The following COMMD10 variants were observed in gnomAD, a reference collection of about 807,000 sequenced individuals.
The protein encoded by COMMD10 is COMM domain-containing protein 10.
In COMMD10, 33 loss-of-function variants were observed where a neutral mutation model predicts 28.9. The observed-to-expected ratio is 1.14, with a 90% CI of 0.87 to 1.53. The LOEUF is 1.53. COMMD10 is among the 40% of genes most tolerant of loss of function. COMMD10 has a pLI of 0.00. For synonymous variants in COMMD10, 110 were observed against 81.7 expected (o/e 1.35, Z -1.87); for missense variants, 310 against 233.4 (o/e 1.33, Z -2.14).
intron 4 of COMMD10, among the ~76,000 whole-genome samples, chr5:116,119,886 C>T (rs1034389214): frequency 6.6e-6 from 1 of 152,068 alleles, no homozygotes; most frequent in Non-Finnish European, 1.5e-5. Flanking sequence ...TCCCAAAGTG[C>T]TAGGATTACG....
At chr5:116,259,273 G>C (rs1300901048) in intron 5 of COMMD10, among the ~76,000 whole-genome samples, 1 of 151,174 alleles carries the variant, frequency 6.6e-6, no homozygotes, top group Non-Finnish European at 1.5e-5. Flanking sequence ...ATGTTGGCCA[G>C]GCTGGTCTTA....
At chr5:116,105,343 T>C (rs941047569) in intron 4 of COMMD10, among the ~76,000 whole-genome samples, 1 of 152,234 alleles carries the variant, frequency 6.6e-6, no homozygotes, top group African/African-American at 2.4e-5. Flanking sequence ...TTTGATGTGC[T>C]GCTGGATTTG....
chr5:116,250,670 G>A (rs972278177), intron 5 of COMMD10, among the ~76,000 whole-genome samples: 1 of 151,854 alleles, frequency 6.6e-6, no homozygotes, highest in Non-Finnish European at 1.5e-5. Flanking sequence ...ATGGGAATGA[G>A]CTAACTGATG....
intron 5 of COMMD10, among the ~76,000 whole-genome samples, chr5:116,193,776 A>G (rs927601421): frequency 3.3e-5 from 5 of 152,204 alleles, no homozygotes; most frequent in African/African-American, 7.2e-5. Context: ...GACAAAGTCA[A>G]CAAAGAAACA....
intron 5 of COMMD10, among the ~76,000 whole-genome samples, chr5:116,281,723 C>T (rs866210158): frequency 2.6e-5 from 4 of 151,814 alleles, no homozygotes; most frequent in Non-Finnish European, 5.9e-5. Context: ...GTTGTATTGC[C>T]TGTATACTCG....
chr5:116,188,475 A>C (rs2112607530), intron 5 of COMMD10: 1 of 152,232 alleles, frequency 6.6e-6, no homozygotes, highest in East Asian at 1.9e-4. Context: ...AACACTTCAC[A>C]AATTTGTGCA....
At chr5:116,140,089 T>A (rs937908303) in intron 5 of COMMD10, among the ~76,000 whole-genome samples, 2 of 151,748 alleles carry the variant, frequency 1.3e-5, no homozygotes, top group African/African-American at 2.4e-5. Flanking sequence ...TAGGCATTTT[T>A]AAAAAATTCC....
At chr5:116,265,721 T>C (rs1750566889) in intron 5 of COMMD10, among the ~76,000 whole-genome samples, 1 of 149,194 alleles carries the variant, frequency 6.7e-6, no homozygotes, top group Non-Finnish European at 1.5e-5. Context: ...AAGTAGGTGC[T>C]GTTGTTATGC....
chr5:116,089,775 A>G (rs927236796), intron 2 of COMMD10, among the ~76,000 whole-genome samples: 21 of 152,188 alleles, frequency 1.4e-4, no homozygotes, highest in Non-Finnish European at 3.1e-4. Context: ...ATAAAGAAAC[A>G]TATGTATGTG....
chr5:116,114,125 G>A (rs1200141827), intron 4 of COMMD10, among the ~76,000 whole-genome samples: 1 of 152,026 alleles, frequency 6.6e-6, no homozygotes, highest in East Asian at 1.9e-4. Context: ...ATTATGCTAG[G>A]GACTGGAATG....
intron 5 of COMMD10, among the ~76,000 whole-genome samples, chr5:116,168,624 AAC>A (rs1462691387): frequency 7.2e-5 from 11 of 152,298 alleles, no homozygotes; most frequent in African/African-American, 2.4e-4. Flanking sequence ...TGGAAATCAT[AAC>A]AGACTCTCAG....
At chr5:116,219,229 C>T (rs1189241692) in intron 5 of COMMD10, among the ~76,000 whole-genome samples, 1 of 89,322 alleles carries the variant, frequency 1.1e-5, no homozygotes, top group Admixed American at 1.3e-4. Flanking sequence ...GTTGTTTAAG[C>T]CACCCAGTCT....
intron 5 of COMMD10, among the ~76,000 whole-genome samples, chr5:116,149,814 C>T (rs952169813): frequency 1.4e-5 from 2 of 145,366 alleles, no homozygotes; most frequent in African/African-American, 5.0e-5. Flanking sequence ...GTTGCCTGTT[C>T]ACTCTGATGG....
At chr5:116,147,647 A>G (rs1456504606) in intron 5 of COMMD10, among the ~76,000 whole-genome samples, 1 of 151,866 alleles carries the variant, frequency 6.6e-6, no homozygotes, top group Non-Finnish European at 1.5e-5. Context: ...ATGACATGTA[A>G]TGGGTGAAGA....
chr5:116,217,229 T>G (rs1749129059), intron 5 of COMMD10, among the ~76,000 whole-genome samples: 1 of 151,904 alleles, frequency 6.6e-6, no homozygotes, highest in Admixed American at 6.6e-5. Context: ...GTATCCAGCT[T>G]TATTAAAGAT....
chr5:116,119,816 A>G (rs1751365298), intron 4 of COMMD10, among the ~76,000 whole-genome samples: 1 of 151,960 alleles, frequency 6.6e-6, no homozygotes, highest in Non-Finnish European at 1.5e-5. Flanking sequence ...GTGTCTTGCC[A>G]TTTTGCCCAG....
Position 116,265,364 on chromosome 5 carries a change from A to G in COMMD10, c.511-26153A>G, listed in dbSNP as rs187677999. Among the ~76,000 whole-genome samples, 6 of 151,890 alleles carry G rather than the reference A, an allele frequency of 4.0e-5. 1 individual carries two copies. Among genetic ancestry groups the G allele is most frequent in the African/African-American group, 1.5e-4 (6 of 41,246 alleles). On this transcript the variant is annotated intron_variant, in intron 5 of 6. Coordinates refer to ENST00000274458, the MANE Select transcript of COMMD10 (RefSeq NM_016144.4). ...TCTCAGACAACCTATAGGTATGAGA[A>G]TAGCTTTCAGAATTGTAATCATATT...
Position 116,292,897 on chromosome 5 carries a change from G to A in COMMD10, c.*408G>A, listed in dbSNP as rs1751408642. The stretch of plus-strand genomic sequence containing the variant: ...GAATACAGAGCTTTGGTAATTACAT[G>A]AATAAAATTAAGAAAATAGCCATAT... On this transcript the variant is annotated 3_prime_UTR_variant, in exon 7 of 7. Coordinates refer to ENST00000274458, the MANE Select transcript of COMMD10 (RefSeq NM_016144.4). 2.5e-6 allele frequency: 1 copy of A among 394,378 alleles called. No homozygotes were observed. The highest frequency in any genetic ancestry group is 2.1e-5 in the African/African-American group (1 of 48,452). 24.4% of individuals were successfully genotyped at this position (394,378 alleles called of 1,614,324 possible). A position where few individuals can be genotyped will look rare whatever the true frequency, so the allele number is the denominator to read the frequency against.
chr5:116,229,556 C>T (rs866846816), intron 5 of COMMD10, among the ~76,000 whole-genome samples: 8 of 151,920 alleles, frequency 5.3e-5, no homozygotes, highest in Non-Finnish European at 7.4e-5. Flanking sequence ...AGTTCTGTAG[C>T]GCAACACTGT....
Sources: allele counts gnomAD v4.1 joint callset (sites outside exome capture counted in the v4.1 genomes callset), GRCh38; gene constraint gnomAD v4.1.1; transcripts MANE v1.5; gene names NCBI Gene and HGNC (gene_info 2026-07-23, HGNC 2026-07-21).